CRAMP1: variants seen among roughly 807,000 people sequenced by gnomAD.
The protein encoded by CRAMP1 is cramped chromatin regulator 1.
In CRAMP1, 50 loss-of-function variants were observed where a neutral mutation model predicts 115.4. That is an observed-to-expected ratio of 0.43 (90% CI 0.35 to 0.55). The LOEUF (loss-of-function observed/expected upper bound fraction) is 0.55. Ranked by LOEUF, CRAMP1 falls within the 20% of genes least tolerant of loss-of-function variation. CRAMP1 has a pLI of 0.01. For synonymous variants in CRAMP1, 866 were observed against 745.4 expected (o/e 1.16, Z -2.64); for missense variants, 1,679 against 1,721.7 (o/e 0.98, Z 0.44).
At position 1,656,078 on chromosome 16, in the gene CRAMP1, G is replaced by A. The variant is rs571857474; in HGVS notation, c.1321G>A (p.Val441Met). The change falls in exon 10 of 21, where the codon GTG becomes ATG. Residue 441 changes from valine to methionine, a missense_variant. Physicochemically the swap from Val to Met is conservative, Grantham distance 21. Around this residue, in one of 8 missense-constraint regions of CRAMP1, gnomAD observed 191 missense variants for 236.2 expected, o/e 0.81. Coordinates refer to ENST00000397412, the MANE Select transcript of CRAMP1 (RefSeq NM_020825.4). The surrounding 1 kb of genome is among the most constrained non-coding windows in gnomAD (Gnocchi z 5.6). ...RCKQSAKDAHVLPPAQILGIQ... is the reference protein window; with the variant it reads ...RCKQSAKDAHMLPPAQILGIQ... ...CAAGCAGAGTGCCAAGGACGCCCACGTGCTGCCCCCAGCCCAGATCCTGGG... is the reference window on the plus strand; with the variant it reads ...CAAGCAGAGTGCCAAGGACGCCCACATGCTGCCCCCAGCCCAGATCCTGGG... The A allele has an allele frequency of 7.5e-6, 12 of 1,610,284 alleles. No homozygotes were observed. Among genetic ancestry groups the A allele is most frequent in the African/African-American group, 2.7e-5 (2 of 75,026 alleles).
intron 6 of CRAMP1, among the ~76,000 whole-genome samples, chr16:1,644,082 AG>A (rs2036654595): frequency 6.6e-6 from 1 of 152,222 alleles, no homozygotes; most frequent in African/African-American, 2.4e-5. Context: ...TTGCCCGTGT[AG>A]CCAAGGATTT....
intron 4 of CRAMP1, among the ~76,000 whole-genome samples, chr16:1,636,608 C>T (rs1050561734): frequency 6.6e-6 from 1 of 152,176 alleles, no homozygotes; most frequent in Non-Finnish European, 1.5e-5. Context: ...GTAGAGGGGA[C>T]AAATGGCCTT....
At position 1,637,302 on chromosome 16, in the gene CRAMP1, G is replaced by GA. The variant is rs565072995; in HGVS notation, c.695-508dup. 9.8e-3 allele frequency among the ~76,000 whole-genome samples: 1,245 copies of GA among 127,440 alleles called. 4 individuals are homozygous for GA. The highest frequency in any genetic ancestry group is 0.013 in the South Asian group (48 of 3,792). 83.6% of individuals were successfully genotyped at this position (127,440 alleles called of 152,430 possible). ...GAGTGAGACCCTGTCTCCAAGAAAA[G>GA]AAAAAAAAAAAAAACAGGGCCTCTT... On this transcript the variant is annotated intron_variant, in intron 4 of 20. Coordinates refer to ENST00000397412, the MANE Select transcript of CRAMP1 (RefSeq NM_020825.4).
rs1246697600 is a variant in CRAMP1, at chr16:1,614,211, C to T, written c.-1-428C>T. On this transcript the variant is annotated intron_variant, in intron 1 of 20. Transcript: ENST00000397412. This position sits in a 1 kb window ranked among gnomAD's most constrained non-coding sequence, Gnocchi z 4.4. Reference sequence around the variant, plus strand: ...GCGAGGCCGGCGCGCAGGGCCAGGCCATGAGCCGCGGCCCCGCCGGGTAGG... The same window carrying T: ...GCGAGGCCGGCGCGCAGGGCCAGGCTATGAGCCGCGGCCCCGCCGGGTAGG... Among the ~76,000 whole-genome samples, 1 of 147,496 alleles carries T rather than the reference C, an allele frequency of 6.8e-6. No homozygotes were observed. The highest frequency in any genetic ancestry group is 1.5e-5 in the Non-Finnish European group (1 of 66,160).
intron 4 of CRAMP1, among the ~76,000 whole-genome samples, chr16:1,635,254 C>G (rs1488337146): frequency 6.6e-6 from 1 of 152,202 alleles, no homozygotes; most frequent in African/African-American, 2.4e-5. Flanking sequence ...GTTTGTCTGA[C>G]TCATCTTGTG....
Position 1,656,007 on chromosome 16 carries a change from A to C in CRAMP1, c.1250A>C (p.His417Pro). ...CTGCCGGGCGTGGCTCGCGTGGTGC[A>C]CTCCAAGGCCTTCTGCACAGTGCAC... ...TPLPGVARVV[H>P]SKAFCTVHWQ... Residue 417 changes from histidine to proline, a missense_variant, in exon 10 of 21, where the codon CAC (histidine) becomes CCC (proline). Coordinates refer to ENST00000397412, the MANE Select transcript of CRAMP1 (RefSeq NM_020825.4). The surrounding 1 kb of genome is among the most constrained non-coding windows in gnomAD (Gnocchi z 5.6). 1 of 1,612,734 alleles carries C rather than the reference A, an allele frequency of 6.2e-7. No individual in the cohort carries two copies.
At chr16:1,641,629 C>G (rs2036632978) in intron 6 of CRAMP1, among the ~76,000 whole-genome samples, 1 of 152,178 alleles carries the variant, frequency 6.6e-6, no homozygotes, top group Non-Finnish European at 1.5e-5. Context: ...CTCCAACTGG[C>G]CGCTCTCCTC....
chr16:1,652,595 G>A lies in CRAMP1; in HGVS notation c.913+14G>A. The stretch of plus-strand genomic sequence containing the variant: ...GCGATCCAGATGGTAAGTGAATGGG[G>A]CGCTCCCGGGACCAGAGGCGGTGCC... On this transcript the variant is annotated intron_variant, in intron 7 of 20. Transcript: ENST00000397412. 4 of 1,550,626 alleles carry A rather than the reference G, an allele frequency of 2.6e-6. No individual in the cohort carries two copies. The highest frequency in any genetic ancestry group is 3.5e-6 in the Non-Finnish European group (4 of 1,145,990).
At chr16:1,643,242 T>G (rs2036647448) in intron 6 of CRAMP1, among the ~76,000 whole-genome samples, 1 of 151,936 alleles carries the variant, frequency 6.6e-6, no homozygotes, top group Admixed American at 6.6e-5. Flanking sequence ...TGCCTTCTGG[T>G]ATAAAGAACC....
Position 1,672,355 on chromosome 16 carries a change from A to G in CRAMP1, c.3646-1526A>G, listed in dbSNP as rs1258931589. On this transcript the variant is annotated intron_variant, in intron 20 of 20. Transcript: ENST00000397412. This position sits in a 1 kb window ranked among gnomAD's most constrained non-coding sequence, Gnocchi z 4.9. ...GCGTTTAGCATGAGATTTTCCCGAG[A>G]GCCCTCCACTCAGAACGTGAGTATG... Among the ~76,000 whole-genome samples, 2 of 152,030 alleles carry G rather than the reference A, an allele frequency of 1.3e-5. No homozygotes were observed. Among genetic ancestry groups the G allele is most frequent in the African/African-American group, 2.4e-5 (1 of 41,358 alleles).
chr16:1,638,029 A>C, intron 5 of CRAMP1, 122 bp downstream of exon 5: 1 of 481,882 alleles, frequency 2.1e-6, no homozygotes, highest in Non-Finnish European at 3.7e-6. Context: ...TTTTACTAGA[A>C]GAGGTGAAGA....
rs1312749789 is a variant in CRAMP1 at position 1,671,893 on chromosome 16, T to C, written c.3645+1084T>C. Among the ~76,000 whole-genome samples, 1 of 152,182 alleles carries C rather than the reference T, an allele frequency of 6.6e-6. No individual in the cohort carries two copies. The highest frequency in any genetic ancestry group is 2.4e-5 in the African/African-American group (1 of 41,434). ...TGGAAATTTTAGCCAAATATACACATAGACACAATTAATAGCGTAGACCTC... is the reference window on the plus strand; with the variant it reads ...TGGAAATTTTAGCCAAATATACACACAGACACAATTAATAGCGTAGACCTC... On this transcript the variant is annotated intron_variant, in intron 20 of 20. Transcript: ENST00000397412. This position sits in a 1 kb window ranked among gnomAD's most constrained non-coding sequence, Gnocchi z 5.0.
At chr16:1,651,377 G>T (rs2036721397) in intron 6 of CRAMP1, among the ~76,000 whole-genome samples, 1 of 149,000 alleles carries the variant, frequency 6.7e-6, no homozygotes, top group Non-Finnish European at 1.5e-5. Context: ...GTCACGGAAA[G>T]GTGGACTGAG....
Position 1,657,010 on chromosome 16 carries a change from C to A in CRAMP1, c.2235+18C>A. On this transcript the variant is annotated intron_variant, in intron 10 of 20. Coordinates refer to ENST00000397412, the MANE Select transcript of CRAMP1 (RefSeq NM_020825.4). Reference sequence around the variant, plus strand: ...CCAAGCTGGTGAGTGGGTTGGAGCCCAGCCCCTCTGGCGGCCCAAGGGAAG... The same window carrying A: ...CCAAGCTGGTGAGTGGGTTGGAGCCAAGCCCCTCTGGCGGCCCAAGGGAAG... 1.3e-6 allele frequency: 2 copies of A among 1,489,088 alleles called. No individual in the cohort carries two copies. Among genetic ancestry groups the A allele is most frequent in the Middle Eastern group, 1.8e-4 (1 of 5,626 alleles). 92.2% of individuals were successfully genotyped at this position (1,489,088 alleles called of 1,614,324 possible).
In CRAMP1 at chr16:1,652,497, G is replaced by GC; in HGVS notation, c.831dup (p.Thr278HisfsTer31). The GC allele has an allele frequency of 6.4e-7, 1 of 1,551,782 alleles. No homozygotes were observed. The highest frequency in any genetic ancestry group is 8.7e-7 in the Non-Finnish European group (1 of 1,146,978). ...GTTCCTTCAAAACTCTTTTCCCAGGGCCACCACTGTACGTTACAAAGGGCG... is the reference window on the plus strand; with the variant it reads ...GTTCCTTCAAAACTCTTTTCCCAGGGCCCACCACTGTACGTTACAAAGGGCG... On this transcript the variant is annotated frameshift_variant and splice_region_variant, in exon 7 of 21. Transcript: ENST00000397412. LOFTEE classifies it high-confidence loss of function.
rs1304457232 is a variant in CRAMP1, at chr16:1,656,763, T to C, written c.2006T>C (p.Leu669Pro). The C allele has an allele frequency of 2.6e-6, 4 of 1,547,894 alleles. No individual in the cohort carries two copies. The highest frequency in any genetic ancestry group is 3.5e-6 in the Non-Finnish European group (4 of 1,145,236). The change falls in exon 10 of 21, where the codon CTG (leucine) becomes CCG (proline). Residue 669 changes from leucine (L) to proline (P), a missense_variant. Around this residue, in one of 8 missense-constraint regions of CRAMP1, gnomAD observed 405 missense variants for 302.6 expected, o/e 1.34. Transcript: ENST00000397412. The surrounding 1 kb of genome is among the most constrained non-coding windows in gnomAD (Gnocchi z 5.6). ...CCGAAGGAGGTCCCCGCCAGCCGGC[T>C]GGCTCAGCAGCTCCGTGAGGAGGGC... is the stretch of plus-strand genomic sequence containing the variant. ...RPPKEVPASRLAQQLREEGWN... is the reference protein window; with the variant it reads ...RPPKEVPASRPAQQLREEGWN...
chr16:1,661,582 A>C (rs1182126792), intron 11 of CRAMP1, among the ~76,000 whole-genome samples: 1 of 149,960 alleles, frequency 6.7e-6, no homozygotes, highest in Non-Finnish European at 1.5e-5. Flanking sequence ...GCCAGTCCCT[A>C]CTATGAAAGA....
Position 1,676,606 on chromosome 16 carries a change from C to T in CRAMP1, c.*2561C>T, listed in dbSNP as rs1295610861. On this transcript the variant is annotated 3_prime_UTR_variant, in exon 21 of 21. Transcript: ENST00000397412. ...GGCTTCCTTTGTGCATTTGAGCATG[C>T]TGTAATTAAGATGAGATCAGTTTCT... The T allele has an allele frequency of 6.6e-6, 1 of 152,212 alleles. No individual in the cohort carries two copies. Among genetic ancestry groups the T allele is most frequent in the African/African-American group, 2.4e-5 (1 of 41,446 alleles). 9.4% of individuals were successfully genotyped at this position (152,212 alleles called of 1,614,324 possible).
chr16:1,643,548 GAAAA>G (rs541292575), intron 6 of CRAMP1, among the ~76,000 whole-genome samples: 6 of 131,602 alleles, frequency 4.6e-5, no homozygotes, highest in African/African-American at 1.7e-4. Flanking sequence ...CTAGGGGAAA[GAAAA>G]AAAAAAAAAA....
Sources: gnomAD v4.1 joint callset for allele counts (sites outside exome capture counted in the v4.1 genomes callset) on GRCh38, gnomAD v4.1.1 for gene constraint, gnomAD v4.1.1 regional missense constraint, Gnocchi (gnomAD v3.1) non-coding constraint, MANE v1.5 for transcripts, NCBI Gene and HGNC (gene_info 2026-07-23, HGNC 2026-07-21) for gene names.